The following DOCK4 variants were observed in gnomAD, a reference collection of about 807,000 sequenced individuals.
DOCK4 encodes dedicator of cytokinesis 4, also known as dedicator of cytokinesis protein 4.
A neutral mutation model predicts 268.1 loss-of-function variants in DOCK4; 97 were observed. That is an observed-to-expected ratio of 0.36 (90% CI 0.31 to 0.43). The LOEUF (loss-of-function observed/expected upper bound fraction) is 0.43, where lower values mean the gene tolerates loss of function less well. DOCK4 is among the 20% of genes least tolerant of loss of function. The pLI, the probability that DOCK4 is intolerant of heterozygous loss-of-function variation, is 1.00. For missense variants in DOCK4, 2,145 were observed against 2,455.7 expected, an observed-to-expected ratio of 0.87 and a Z score of 2.67; for synonymous variants, 954 against 887.2, an observed-to-expected ratio of 1.08 and a Z score of -1.34.
At chr7:111,886,816 T>G (rs1807884476) in intron 16 of DOCK4, among the ~76,000 whole-genome samples, 1 of 152,112 alleles carries the variant, frequency 6.6e-6, no homozygotes. Context: ...TTAATTTAGT[T>G]TTGATAAATA....
intron 1 of DOCK4, among the ~76,000 whole-genome samples, chr7:112,059,216 C>T (rs1403557573): frequency 7.1e-6 from 1 of 140,486 alleles, no homozygotes; most frequent in Non-Finnish European, 1.5e-5. Flanking sequence ...GATCTCAGCT[C>T]ACTACAACTT....
intron 1 of DOCK4, among the ~76,000 whole-genome samples, chr7:112,085,817 G>A (rs1486222955): frequency 6.6e-6 from 1 of 152,088 alleles, no homozygotes; most frequent in Non-Finnish European, 1.5e-5. Context: ...GTCCCTGGAA[G>A]AGGCACAGGC....
intron 1 of DOCK4, among the ~76,000 whole-genome samples, chr7:112,090,371 T>G (rs1000085159): frequency 6.6e-6 from 1 of 152,192 alleles, no homozygotes; most frequent in African/African-American, 2.4e-5. Flanking sequence ...CCTGTAATAA[T>G]TTTGAGATAT....
intron 1 of DOCK4, among the ~76,000 whole-genome samples, chr7:112,026,791 A>G (rs539024732): frequency 6.6e-6 from 1 of 152,260 alleles, no homozygotes; most frequent in Admixed American, 6.5e-5. Context: ...CTATCGAACC[A>G]TTTACAGAAA....
At chr7:111,910,229 T>A (rs1425325616) in intron 13 of DOCK4, among the ~76,000 whole-genome samples, 1 of 152,186 alleles carries the variant, frequency 6.6e-6, no homozygotes, top group Non-Finnish European at 1.5e-5. Context: ...GGGAAGACAG[T>A]CAGATCTTCC....
chr7:112,103,765 G>A (rs907000980), intron 1 of DOCK4, among the ~76,000 whole-genome samples: 2 of 151,940 alleles, frequency 1.3e-5, no homozygotes, highest in Admixed American at 6.6e-5. Context: ...GCCTGTAATC[G>A]CAGCTACTTG....
At chr7:112,081,845 T>C (rs1054683483) in intron 1 of DOCK4, among the ~76,000 whole-genome samples, 4 of 152,114 alleles carry the variant, frequency 2.6e-5, no homozygotes, top group Admixed American at 1.3e-4. Context: ...GGTATCACAG[T>C]ATAAAATGTG....
chr7:111,969,215 A>T (rs947804715), intron 8 of DOCK4, among the ~76,000 whole-genome samples: 18 of 151,838 alleles, frequency 1.2e-4, no homozygotes, highest in African/African-American at 4.1e-4. Flanking sequence ...TATAATAAAA[A>T]AAAAAAAAAT....
intron 36 of DOCK4, among the ~76,000 whole-genome samples, chr7:111,774,354 G>A (rs1362724714): frequency 6.6e-6 from 1 of 152,150 alleles, no homozygotes; most frequent in Non-Finnish European, 1.5e-5. Flanking sequence ...TGTAATCTCA[G>A]CTGCTCAGGA....
At chr7:111,949,553 G>C (rs536724714) in intron 8 of DOCK4, among the ~76,000 whole-genome samples, 2 of 151,850 alleles carry the variant, frequency 1.3e-5, no homozygotes, top group African/African-American at 4.8e-5. Flanking sequence ...TGCCTTAAGG[G>C]GAAGATACAA....
chr7:112,026,968 G>A (rs925198112), intron 1 of DOCK4, among the ~76,000 whole-genome samples: 2 of 152,226 alleles, frequency 1.3e-5, no homozygotes, highest in Non-Finnish European at 2.9e-5. Flanking sequence ...ATCTTCAGCT[G>A]TAAACAGAAA....
chr7:112,103,476 T>C (rs1810865764), intron 1 of DOCK4, among the ~76,000 whole-genome samples: 1 of 152,236 alleles, frequency 6.6e-6, no homozygotes, highest in Admixed American at 6.5e-5. Context: ...GAAGCAGCTT[T>C]ATTTACTTAG....
chr7:112,123,227 C>T (rs192534373), intron 1 of DOCK4, among the ~76,000 whole-genome samples: 1 of 152,268 alleles, frequency 6.6e-6, no homozygotes, highest in East Asian at 1.9e-4. Context: ...GAGAAGATCT[C>T]CTTGGTGGGT....
intron 1 of DOCK4, among the ~76,000 whole-genome samples, chr7:112,062,427 C>A (rs746817536): frequency 6.6e-6 from 1 of 152,160 alleles, no homozygotes; most frequent in Non-Finnish European, 1.5e-5. Context: ...TTTCTTAAAT[C>A]TTATATTCCA....
At chr7:111,964,706 GC>G (rs1797246380) in intron 8 of DOCK4, among the ~76,000 whole-genome samples, 1 of 89,104 alleles carries the variant, frequency 1.1e-5, no homozygotes, top group African/African-American at 5.6e-5. Context: ...TACAGAGAAC[GC>G]CACAAAGATA....
intron 1 of DOCK4, among the ~76,000 whole-genome samples, chr7:112,131,360 G>T (rs530808294): frequency 6.6e-6 from 1 of 152,230 alleles, no homozygotes; most frequent in Non-Finnish European, 1.5e-5. Flanking sequence ...CAGGATACGG[G>T]GATGCCAACA....
intron 1 of DOCK4, among the ~76,000 whole-genome samples, chr7:112,172,668 T>G: frequency 6.6e-6 from 1 of 152,342 alleles, no homozygotes; most frequent in Non-Finnish European, 1.5e-5. Flanking sequence ...TCATGAACAG[T>G]ATGTCATTAT....
intron 16 of DOCK4, among the ~76,000 whole-genome samples, chr7:111,886,880 T>C (rs567936141): frequency 2.0e-5 from 3 of 152,316 alleles, no homozygotes; most frequent in South Asian, 2.1e-4. Context: ...GAAGGTTATA[T>C]GGGAATTTCC....
intron 41 of DOCK4, among the ~76,000 whole-genome samples, chr7:111,757,440 C>T (rs1036148398): frequency 6.6e-6 from 1 of 152,136 alleles, no homozygotes; most frequent in Non-Finnish European, 1.5e-5. Flanking sequence ...CTAAAAGCAA[C>T]TGCAAGAAGA....
Sources: gnomAD v4.1 joint callset for allele counts (sites outside exome capture counted in the v4.1 genomes callset) on GRCh38, gnomAD v4.1.1 for gene constraint, MANE v1.5 for transcripts, NCBI Gene and HGNC (gene_info 2026-07-23, HGNC 2026-07-21) for gene names.